The following SRRM2 variants were observed in gnomAD, a reference collection of about 807,000 sequenced individuals.
SRRM2 encodes serine/arginine repetitive matrix 2.
In SRRM2, 30 loss-of-function variants were observed where a neutral mutation model predicts 213.8. The observed-to-expected ratio is 0.14, with a 90% CI of 0.10 to 0.19. The LOEUF is 0.19. Among genes scored for constraint, SRRM2 ranks in the 10% least tolerant of loss-of-function variants. The pLI is 1.00. For missense variants in SRRM2, 4,904 were observed against 3,647.0 expected, an observed-to-expected ratio of 1.34 and a Z score of -8.88; for synonymous variants, 2,025 against 1,377.7, an observed-to-expected ratio of 1.47 and a Z score of -10.40.
chr16:2,762,005 G>C lies in SRRM2; in HGVS notation c.1477G>C (p.Gly493Arg). ...CCGTAGCCCTGCCACCGCTAAGAGA[G>C]GGCGATCTCGGTCTCGAACCCCTAC... ...RSRSPATAKR[G>R]RSRSRTPTKR... Residue 493 changes from glycine (G) to arginine (R), a missense_variant, in exon 11 of 15, where the codon GGG becomes CGG. Transcript: ENST00000301740. 2 of 1,614,162 alleles carry C rather than the reference G, an allele frequency of 1.2e-6. No individual in the cohort carries two copies. Among genetic ancestry groups the C allele is most frequent in the African/African-American group, 2.7e-5 (2 of 75,036 alleles).
chr16:2,761,412 G>A, intron 10 of SRRM2, 149 bp from the exon 11 acceptor site: 1 of 586,210 alleles, frequency 1.7e-6, no homozygotes, highest in East Asian at 2.9e-5. Flanking sequence ...TGCTTTATAT[G>A]ATTCCTTGTT....
rs560011207 is a variant in SRRM2, at chr16:2,770,760, T to TGTG, written c.8249+51_8249+53dup. ...CTGATGCCCCCTTCCGGGAGCCAGT[T>TGTG]GTGGTGGTGGGTGGCGGCCCCATTT... On this transcript the variant is annotated intron_variant, in intron 14 of 14. Coordinates refer to ENST00000301740, the MANE Select transcript of SRRM2 (RefSeq NM_016333.4). 492 of 1,598,992 alleles carry TGTG rather than the reference T, an allele frequency of 3.1e-4. 3 individuals carry two copies. The African/African-American group carries it at 4.8e-3, about 16-fold the overall frequency.
chr16:2,764,134 C>T lies in SRRM2; in HGVS notation c.3606C>T (p.Phe1202=), dbSNP rs758991436. The change falls in exon 11 of 15, where the codon TTC becomes TTT. Residue 1202 remains phenylalanine (F), a synonymous_variant. Coordinates refer to ENST00000301740, the MANE Select transcript of SRRM2 (RefSeq NM_016333.4). ...ATAGGCCTGAGTCTTCACTGGTATT[C>T]AAAGACACACTTAGAACCCCGCCAA... ...VQDRPESSLV[F]KDTLRTPPRE... 26 of 1,614,028 alleles carry T rather than the reference C, an allele frequency of 1.6e-5. No individual in the cohort carries two copies. In the Middle Eastern group the frequency reaches 8.2e-4, roughly 51 times the overall value.
At chr16:2,770,797 C>A in intron 14 of SRRM2, 61 bp from the exon 15 acceptor site, 3 of 1,612,394 alleles carry the variant, frequency 1.9e-6, no homozygotes, top group Non-Finnish European at 2.5e-6. Flanking sequence ...GGGAGTGGCC[C>A]AGAAACTGGC....
rs767314384 is a variant in SRRM2 at position 2,756,545 on chromosome 16, G to C, written c.181G>C (p.Glu61Gln). The C allele has an allele frequency of 4.3e-6, 7 of 1,614,086 alleles. No individual in the cohort carries two copies. Among genetic ancestry groups the C allele is most frequent in the Non-Finnish European group, 5.1e-6 (6 of 1,179,996 alleles). The change falls in exon 2 of 15, where the codon GAG becomes CAG. Residue 61 changes from glutamate to glutamine, a missense_variant. By Grantham distance (29) the Glu-to-Gln change is conservative. Coordinates refer to ENST00000301740, the MANE Select transcript of SRRM2 (RefSeq NM_016333.4). Reference sequence around the variant, plus strand: ...GCCTAATCCTGACATCCTGGACCACGAGCGCAAGCGGCGCGTCGAGCTGCG... The same window carrying C: ...GCCTAATCCTGACATCCTGGACCACCAGCGCAAGCGGCGCGTCGAGCTGCG... ...KRPNPDILDH[E>Q]RKRRVELRCL...
chr16:2,764,519 T>C lies in SRRM2; in HGVS notation c.3991T>C (p.Leu1331=), dbSNP rs529525039. Residue 1331 remains leucine (L), a synonymous_variant, in exon 11 of 15, where the codon TTA becomes CTA. Transcript: ENST00000301740. ...CAGGGAGAACAGCTTTGGATCACCT[T>C]TAGAATTTAGAAACTCAGGCCCACT... The part of the protein sequence containing the change: ...PLRENSFGSP[L]EFRNSGPLGT... 180 of 1,614,200 alleles carry C rather than the reference T, an allele frequency of 1.1e-4. 1 individual carries two copies. The South Asian group carries it at 1.9e-3, about 17-fold the overall frequency.
At chr16:2,755,557 A>C (rs1225574996) in intron 1 of SRRM2, among the ~76,000 whole-genome samples, 1 of 152,162 alleles carries the variant, frequency 6.6e-6, no homozygotes, top group East Asian at 1.9e-4. Flanking sequence ...ATTGTTGTAA[A>C]TCCTATTGAG....
rs2068513854 is a variant in SRRM2, at chr16:2,765,647, A to C, written c.5119A>C (p.Ser1707Arg). The C allele has an allele frequency of 3.1e-6, 5 of 1,613,994 alleles. No homozygotes were observed. Residue 1707 changes from serine (S) to arginine (R), a missense_variant, in exon 11 of 15, where the codon AGC becomes CGC. Ser to Arg is a moderately radical substitution (Grantham distance 110, BLOSUM62 -1). Coordinates refer to ENST00000301740, the MANE Select transcript of SRRM2 (RefSeq NM_016333.4). ...AAGGAAGGCCAGACTGTCCCGTAGA[A>C]GCCGCTCTGCCTCATCCTCACCAGA... is the stretch of plus-strand genomic sequence containing the variant. ...LTRKARLSRR[S>R]RSASSSPETR...
Position 2,767,905 on chromosome 16 carries a change from C to A in SRRM2, c.7377C>A (p.Ser2459=). Residue 2459 remains serine, a synonymous_variant, in exon 11 of 15, where the codon TCC becomes TCA. Coordinates refer to ENST00000301740, the MANE Select transcript of SRRM2 (RefSeq NM_016333.4). ...SPVPSAFSDQ[S]RCLIAQTTPV... Reference sequence around the variant, plus strand: ...TGCCTTCTGCTTTTTCAGACCAATCCCGTTGTTTGATTGCCCAGACCACCC... The same window carrying A: ...TGCCTTCTGCTTTTTCAGACCAATCACGTTGTTTGATTGCCCAGACCACCC... 6.2e-7 allele frequency: 1 copy of A among 1,614,112 alleles called. No individual in the cohort carries two copies. Among genetic ancestry groups the A allele is most frequent in the South Asian group, 1.1e-5 (1 of 91,082 alleles).
chr16:2,760,790 A>G (rs1356934743), intron 10 of SRRM2: 1 of 327,550 alleles, frequency 3.1e-6, no homozygotes, highest in Non-Finnish European at 5.7e-6. Context: ...TGTACTCCGT[A>G]TGATGCCTCT....
rs1362155237 is a variant in SRRM2 at position 2,756,417 on chromosome 16, A to C, written c.53A>C (p.Tyr18Ser). 1.2e-6 allele frequency: 2 copies of C among 1,611,458 alleles called. No individual in the cohort carries two copies. Among genetic ancestry groups the C allele is most frequent in the Non-Finnish European group, 1.7e-6 (2 of 1,179,064 alleles). Residue 18 changes from tyrosine to serine, a missense_variant, in exon 2 of 15, where the codon TAC becomes TCC. Physicochemically the swap from Tyr to Ser is moderately radical, Grantham distance 144 (BLOSUM62 -2). Transcript: ENST00000301740. ...CCCCGGGGCAGCGGCACCAACGGCT[A>C]CGTCCAGCGCAACCTGTCCCTGGTG... Reference protein sequence around the residue: ...PTPRGSGTNGYVQRNLSLVRG... With the variant: ...PTPRGSGTNGSVQRNLSLVRG...
Position 2,756,436 on chromosome 16 carries a change from C to T in SRRM2, c.72C>T (p.Ser24=), listed in dbSNP as rs766164518. ...ACGGCTACGTCCAGCGCAACCTGTC[C>T]CTGGTGCGGGGCCGCCGGGGTGAGC... ...GTNGYVQRNL[S]LVRGRRGERP... The change falls in exon 2 of 15, where the codon TCC becomes TCT. Residue 24 remains serine, a synonymous_variant. Transcript: ENST00000301740. 9.3e-6 allele frequency: 15 copies of T among 1,612,720 alleles called. No homozygotes were observed. In the South Asian group the frequency reaches 1.4e-4, roughly 15 times the overall value.
Position 2,771,011 on chromosome 16 carries a change from CCTTTT to C in SRRM2, c.*145_*149del. 2 of 937,276 alleles carry C rather than the reference CCTTTT, an allele frequency of 2.1e-6. No homozygotes were observed. Among genetic ancestry groups the C allele is most frequent in the Non-Finnish European group, 3.1e-6 (2 of 635,366 alleles). The allele number at this position is 937,276 out of a possible 1,614,324, so 58.1% of individuals were successfully genotyped here. A position where few individuals can be genotyped will look rare whatever the true frequency, so the allele number is the denominator to read the frequency against. On this transcript the variant is annotated 3_prime_UTR_variant, in exon 15 of 15. Coordinates refer to ENST00000301740, the MANE Select transcript of SRRM2 (RefSeq NM_016333.4). ...TGGATGGAGGGCTCCCTTTCCCTCC[CCTTTT>C]TTTTTTCTTTGTTCCTGTGAAATGT... is the stretch of plus-strand genomic sequence containing the variant.
intron 11 of SRRM2, 32 bp from the exon 12 acceptor site, chr16:2,768,965 T>C: frequency 2.6e-5 from 42 of 1,608,482 alleles, no homozygotes; most frequent in Non-Finnish European, 3.6e-5. Context: ...TGGGGCAGCT[T>C]GTCTCCTTGT....
At position 2,763,251 on chromosome 16, in the gene SRRM2, G is replaced by A. The variant is rs763867819; in HGVS notation, c.2723G>A (p.Ser908Asn). The change falls in exon 11 of 15, where the codon AGC becomes AAC. Residue 908 changes from serine (S) to asparagine (N), a missense_variant. Coordinates refer to ENST00000301740, the MANE Select transcript of SRRM2 (RefSeq NM_016333.4). ...RVKSSTPPRQ[S>N]PSRSSSPQPK... is the part of the protein sequence containing the mutation. Reference sequence around the variant, plus strand: ...AAATCTAGCACACCTCCCAGACAGAGCCCATCTAGGTCATCATCTCCACAA... The same window carrying A: ...AAATCTAGCACACCTCCCAGACAGAACCCATCTAGGTCATCATCTCCACAA... 3.7e-6 allele frequency: 6 copies of A among 1,614,062 alleles called. No homozygotes were observed. Among genetic ancestry groups the A allele is most frequent in the East Asian group, 2.2e-5 (1 of 44,886 alleles).
intron 5 of SRRM2, 69 bp from the exon 6 acceptor site, chr16:2,758,916 A>G (rs975370424): frequency 1.9e-6 from 3 of 1,574,958 alleles, no homozygotes; most frequent in African/African-American, 2.7e-5. Flanking sequence ...TTTTTAGGAG[A>G]GAGATTGTAA....
rs1476106869 is a variant in SRRM2, at chr16:2,762,666, C to CGA, written c.2138_2139insGA (p.His714IlefsTer37). On this transcript the variant is annotated frameshift_variant, in exon 11 of 15. Transcript: ENST00000301740. LOFTEE classifies it high-confidence loss of function. The stretch of plus-strand genomic sequence containing the variant: ...AGAAGCTTAGTTAGACGTGGAAGAT[C>CGA]TCACTCTAGAACACCTCAAAGAAGA... 3 of 1,614,038 alleles carry CGA rather than the reference C, an allele frequency of 1.9e-6. No homozygotes were observed. Among genetic ancestry groups the CGA allele is most frequent in the Non-Finnish European group, 2.5e-6 (3 of 1,180,048 alleles).
Position 2,766,298 on chromosome 16 carries a change from A to G in SRRM2, c.5770A>G (p.Arg1924Gly), listed in dbSNP as rs1268505854. The change falls in exon 11 of 15, where the codon AGA becomes GGA. Residue 1924 changes from arginine (R) to glycine (G), a missense_variant. Transcript: ENST00000301740. This position sits in a 1 kb window ranked among gnomAD's most constrained non-coding sequence, Gnocchi z 7.0. ...RASPVSRRRS[R>G]SRTPPVTRRR... is the part of the protein sequence containing the mutation. ...ATCCCCAGTGAGCAGAAGGCGATCC[A>G]GATCCAGAACGCCACCAGTAACCCG... The G allele has an allele frequency of 1.9e-6, 3 of 1,614,058 alleles. No individual in the cohort carries two copies. The highest frequency in any genetic ancestry group is 2.5e-6 in the Non-Finnish European group (3 of 1,180,022).
rs150982386 is a variant in SRRM2, at chr16:2,768,075, A to G, written c.7547A>G (p.Gln2516Arg). 6 of 1,614,164 alleles carry G rather than the reference A, an allele frequency of 3.7e-6. No homozygotes were observed. Among genetic ancestry groups the G allele is most frequent in the South Asian group, 2.2e-5 (2 of 91,078 alleles). The change falls in exon 11 of 15, where the codon CAG becomes CGG. Residue 2516 changes from glutamine (Q) to arginine (R), a missense_variant. Transcript: ENST00000301740. ...GAGCCACCTGCCTCTACTGGGGCCC[A>G]GCAGCCTTCTGCATTAGCCGCCCTG... is the stretch of plus-strand genomic sequence containing the variant. Reference protein sequence around the residue: ...VGEPPASTGAQQPSALAALQP... With the variant: ...VGEPPASTGARQPSALAALQP...
Sources: allele counts gnomAD v4.1 joint callset (sites outside exome capture counted in the v4.1 genomes callset), GRCh38; gene constraint gnomAD v4.1.1; non-coding constraint Gnocchi (gnomAD v3.1); transcripts MANE v1.5; gene names NCBI Gene and HGNC (gene_info 2026-07-23, HGNC 2026-07-21).